ITPRID1: variants seen among roughly 807,000 people sequenced by gnomAD.
ITPRID1 encodes the protein protein ITPRID1.
In ITPRID1, 96 loss-of-function variants were observed where a neutral mutation model predicts 95.4. That is an observed-to-expected ratio of 1.01 (90% CI 0.85 to 1.19). The LOEUF is 1.19. Among genes scored for constraint, ITPRID1 ranks in the 50% most tolerant of loss-of-function variants. ITPRID1 has a pLI of 0.00. For missense variants in ITPRID1, 1,339 were observed against 1,252.9 expected (o/e 1.07, Z -1.04); for synonymous variants, 510 against 453.6 (o/e 1.12, Z -1.58).
At chr7:31,651,711 A>C (rs1479665030) in intron 13 of ITPRID1, among the ~76,000 whole-genome samples, 1 of 152,200 alleles carries the variant, frequency 6.6e-6, no homozygotes, top group Non-Finnish European at 1.5e-5. Context: ...AATTTATTAA[A>C]AATTATTAAA....
In ITPRID1 at chr7:31,578,386, C is replaced by G. The variant is rs1328996401; in HGVS notation, c.1122C>G (p.Ser374Arg). Residue 374 changes from serine (S) to arginine (R), a missense_variant, in exon 9 of 15, where the codon AGC becomes AGG. Physicochemically the swap from Ser to Arg is moderately radical, Grantham distance 110. Transcript: ENST00000615280. ...ENLFQTNKLK[S>R]LSHLAGKGPD... Reference sequence around the variant, plus strand: ...TATTTCAGACTAACAAGCTCAAGAGCTTGTCTCATCTTGCAGGCAAAGGAC... The same window carrying G: ...TATTTCAGACTAACAAGCTCAAGAGGTTGTCTCATCTTGCAGGCAAAGGAC... The G allele has an allele frequency of 6.2e-7, 1 of 1,613,114 alleles. No homozygotes were observed. Among genetic ancestry groups the G allele is most frequent in the African/African-American group, 1.3e-5 (1 of 75,020 alleles).
At chr7:31,613,715 G>A (rs572741620) in intron 10 of ITPRID1, among the ~76,000 whole-genome samples, 4 of 152,194 alleles carry the variant, frequency 2.6e-5, no homozygotes, top group African/African-American at 9.6e-5. Flanking sequence ...AAATCCAGTG[G>A]CTACGTCTAT....
intron 10 of ITPRID1, among the ~76,000 whole-genome samples, chr7:31,637,691 G>A (rs1426400456): frequency 2.6e-5 from 4 of 152,194 alleles, no homozygotes; most frequent in Non-Finnish European, 5.9e-5. Context: ...TAGGTTGCTT[G>A]TTCACTCTGA....
chr7:31,605,463 T>A (rs1583563515), intron 10 of ITPRID1, among the ~76,000 whole-genome samples: 3 of 152,238 alleles, frequency 2.0e-5, no homozygotes, highest in African/African-American at 7.2e-5. Context: ...AATTCTCAGG[T>A]AGTATGAAAT....
chr7:31,624,089 G>A (rs1254455984), intron 10 of ITPRID1, among the ~76,000 whole-genome samples: 1 of 150,862 alleles, frequency 6.6e-6, no homozygotes, highest in Non-Finnish European at 1.5e-5. Flanking sequence ...TCTTCAAGGA[G>A]AACTACAAAC....
At position 31,551,666 on chromosome 7, in the gene ITPRID1, G is replaced by A. The variant is rs149041348; in HGVS notation, c.-23-1336G>A. On this transcript the variant is annotated intron_variant, in intron 2 of 14. Coordinates refer to ENST00000615280, the MANE Select transcript of ITPRID1 (RefSeq NM_001257967.3). ...GACAGAATTTGAATATATAAAGCAC[G>A]TAAGAAAATTGTGCTGCCAGTTGCA... Among the ~76,000 whole-genome samples the A allele has an allele frequency of 2.4e-4, 34 of 143,558 alleles. 4 individuals are homozygous for A. The highest frequency in any genetic ancestry group is 7.1e-4 in the African/African-American group (29 of 40,832). 94.2% of individuals were successfully genotyped at this position (143,558 alleles called of 152,430 possible).
intron 1 of ITPRID1, among the ~76,000 whole-genome samples, chr7:31,519,620 C>CTCTA: frequency 2.7e-3 from 69 of 25,244 alleles, no homozygotes; most frequent in Non-Finnish European, 3.5e-3. Flanking sequence ...CTCTCTCTCT[C>CTCTA]TATATATATA....
chr7:31,599,330 ATATT>A (rs1452627898), intron 10 of ITPRID1, among the ~76,000 whole-genome samples: 1 of 152,220 alleles, frequency 6.6e-6, no homozygotes, highest in Non-Finnish European at 1.5e-5. Context: ...TATAAAGTAT[ATATT>A]AACCTTAGCA....
At chr7:31,642,597 C>T in intron 11 of ITPRID1, 85 bp from the exon 12 acceptor site, 3 of 1,232,848 alleles carry the variant, frequency 2.4e-6, no homozygotes, top group Non-Finnish European at 3.4e-6. Flanking sequence ...ACTCCTAAGG[C>T]AATGACAAGA....
At chr7:31,583,843 T>G (rs936507258) in intron 10 of ITPRID1, among the ~76,000 whole-genome samples, 1 of 152,190 alleles carries the variant, frequency 6.6e-6, no homozygotes, top group Non-Finnish European at 1.5e-5. Flanking sequence ...TACCAACTGC[T>G]TCATAGTGCA....
chr7:31,651,052 A>G (rs1333363572), intron 12 of ITPRID1, 90 bp from the exon 13 acceptor site: 5 of 1,450,972 alleles, frequency 3.4e-6, no homozygotes, highest in Non-Finnish European at 4.6e-6. Flanking sequence ...GAAAAAAGGG[A>G]TCCCAAATGG....
chr7:31,590,487 GA>G, intron 10 of ITPRID1, among the ~76,000 whole-genome samples: 1 of 152,234 alleles, frequency 6.6e-6, no homozygotes, highest in Non-Finnish European at 1.5e-5. Flanking sequence ...TTCTAAAAAA[GA>G]TATATATCTG....
intron 6 of ITPRID1, among the ~76,000 whole-genome samples, chr7:31,570,365 A>T (rs2128143099): frequency 6.6e-6 from 1 of 152,260 alleles, no homozygotes; most frequent in South Asian, 2.1e-4. Flanking sequence ...TAGGGTCCAG[A>T]AATCTGTATT....
At chr7:31,549,619 G>A in intron 2 of ITPRID1, 120 bp downstream of exon 2, 1 of 658,312 alleles carries the variant, frequency 1.5e-6, no homozygotes, top group South Asian at 3.0e-5. Context: ...ATTTCCCCAA[G>A]ATGTCAGAAA....
At chr7:31,608,943 T>C (rs915857209) in intron 10 of ITPRID1, among the ~76,000 whole-genome samples, 1 of 151,740 alleles carries the variant, frequency 6.6e-6, no homozygotes, top group Non-Finnish European at 1.5e-5. Context: ...CCATTATGTA[T>C]GATGTTAGCG....
At chr7:31,524,103 A>C (rs538705786) in intron 1 of ITPRID1, among the ~76,000 whole-genome samples, 1 of 152,192 alleles carries the variant, frequency 6.6e-6, no homozygotes, top group Non-Finnish European at 1.5e-5. Context: ...TATGACAACT[A>C]CTTAATGACC....
At chr7:31,596,683 A>T (rs1786101624) in intron 10 of ITPRID1, among the ~76,000 whole-genome samples, 2 of 151,590 alleles carry the variant, frequency 1.3e-5, no homozygotes, top group Admixed American at 1.3e-4. Context: ...GAAATTGAAG[A>T]TAGATGACAT....
intron 10 of ITPRID1, among the ~76,000 whole-genome samples, chr7:31,626,916 G>A (rs1788518231): frequency 6.6e-6 from 1 of 152,300 alleles, no homozygotes; most frequent in South Asian, 2.1e-4. Context: ...AATAAATATA[G>A]CAAGCTTTCT....
intron 5 of ITPRID1, among the ~76,000 whole-genome samples, chr7:31,559,949 C>T (rs1222523546): frequency 6.6e-6 from 1 of 152,126 alleles, no homozygotes; most frequent in Non-Finnish European, 1.5e-5. Flanking sequence ...TGTTGATTGC[C>T]TCCTAAAACC....
Sources: gnomAD v4.1 joint callset for allele counts (sites outside exome capture counted in the v4.1 genomes callset) on GRCh38, gnomAD v4.1.1 for gene constraint, MANE v1.5 for transcripts, NCBI Gene and HGNC (gene_info 2026-07-23, HGNC 2026-07-21) for gene names.